The following CBLB variants were observed in gnomAD, a reference collection of about 807,000 sequenced individuals.
The protein encoded by CBLB is E3 ubiquitin-protein ligase CBL-B.
In CBLB, 31 loss-of-function variants were observed where a neutral mutation model predicts 104.9. The observed-to-expected ratio is 0.30, with a 90% CI of 0.22 to 0.40. The LOEUF (loss-of-function observed/expected upper bound fraction) is 0.40, where lower values mean the gene tolerates loss of function less well. CBLB is among the 10% of genes least tolerant of loss of function. The probability of loss-of-function intolerance (pLI) is 1.00; values close to 1 mark genes in which losing one functional copy is unlikely to be tolerated. For synonymous variants in CBLB, 440 were observed against 422.6 expected (o/e 1.04, Z -0.51); for missense variants, 1,062 against 1,214.6 (o/e 0.87, Z 1.87).
chr3:105,838,622 A>G, intron 3 of CBLB, among the ~76,000 whole-genome samples: 1 of 151,954 alleles, frequency 6.6e-6, no homozygotes, highest in South Asian at 2.1e-4. Context: ...ATTGCAATCC[A>G]TCTTTTCCAA....
At chr3:105,779,081 A>T (rs772703879) in intron 3 of CBLB, among the ~76,000 whole-genome samples, 14 of 152,168 alleles carry the variant, frequency 9.2e-5, no homozygotes, top group Non-Finnish European at 2.1e-4. Context: ...ATTAGGGTAA[A>T]CCAACTGTTC....
intron 3 of CBLB, among the ~76,000 whole-genome samples, chr3:105,826,137 A>G (rs1190621194): frequency 6.6e-5 from 10 of 152,110 alleles, no homozygotes; most frequent in Admixed American, 3.9e-4. Flanking sequence ...CATGTCCCCA[A>G]TTTTGTTTAT....
intron 12 of CBLB, among the ~76,000 whole-genome samples, chr3:105,698,002 C>T (rs1465525222): frequency 1.3e-5 from 2 of 151,980 alleles, no homozygotes; most frequent in Non-Finnish European, 2.9e-5. Flanking sequence ...TATTAAGGAA[C>T]AGCTTTATAA....
chr3:105,837,129 G>T (rs1205395986), intron 3 of CBLB, among the ~76,000 whole-genome samples: 1 of 152,156 alleles, frequency 6.6e-6, no homozygotes, highest in African/African-American at 2.4e-5. Context: ...ATCTTCATCC[G>T]TATTAAGGAA....
chr3:105,695,120 C>A (rs1337889821), intron 12 of CBLB, among the ~76,000 whole-genome samples: 1 of 151,766 alleles, frequency 6.6e-6, no homozygotes, highest in Non-Finnish European at 1.5e-5. Context: ...TTCCTTAATT[C>A]ATATTACAAA....
At chr3:105,732,308 T>TG (rs1345639434) in intron 9 of CBLB, among the ~76,000 whole-genome samples, 14 of 152,210 alleles carry the variant, frequency 9.2e-5, no homozygotes, top group Admixed American at 7.8e-4. Flanking sequence ...TAAAAGGCAC[T>TG]GCTAAGTTTG....
intron 10 of CBLB, among the ~76,000 whole-genome samples, chr3:105,706,349 T>C (rs897954443): frequency 3.3e-5 from 5 of 152,216 alleles, no homozygotes; most frequent in Non-Finnish European, 7.3e-5. Flanking sequence ...TTCTTTTTCA[T>C]TTCTTTTAGC....
At chr3:105,673,726 G>A (rs894702881) in intron 17 of CBLB, 2 of 152,124 alleles carry the variant, frequency 1.3e-5, no homozygotes, top group African/African-American at 4.8e-5. Flanking sequence ...AGAACAATTC[G>A]TAATGATTTA....
At chr3:105,727,514 G>A (rs546071686) in intron 9 of CBLB, among the ~76,000 whole-genome samples, 10 of 152,072 alleles carry the variant, frequency 6.6e-5, no homozygotes, top group Non-Finnish European at 1.5e-4. Flanking sequence ...TCACTCTGAC[G>A]ACAGTTTCTT....
chr3:105,813,406 C>T (rs754577668), intron 3 of CBLB, among the ~76,000 whole-genome samples: 4 of 151,976 alleles, frequency 2.6e-5, no homozygotes, highest in Admixed American at 2.0e-4. Flanking sequence ...AAAGTGGGTG[C>T]CCCTTAATCA....
At chr3:105,743,792 T>G (rs949281724) in intron 6 of CBLB, among the ~76,000 whole-genome samples, 1 of 151,950 alleles carries the variant, frequency 6.6e-6, no homozygotes, top group African/African-American at 2.4e-5. Flanking sequence ...TTACAGTTTT[T>G]TTTTTATTCA....
chr3:105,801,284 C>T (rs2082836840), intron 3 of CBLB, among the ~76,000 whole-genome samples: 1 of 152,040 alleles, frequency 6.6e-6, no homozygotes, highest in Admixed American at 6.6e-5. Flanking sequence ...GTAGAGGAAA[C>T]TAAAATGATA....
rs2063553386 is a variant in CBLB at position 105,659,270 on chromosome 3, A to G, written c.2690-41T>C. 3 of 1,572,686 alleles carry G rather than the reference A, an allele frequency of 1.9e-6. No homozygotes were observed. The South Asian group carries it at 3.3e-5, about 17-fold the overall frequency. ...AAGAGAGATACTATTTAAACAGTGA[A>G]ATAAAAATGAAGGCAAGATAACATA... On this transcript the variant is annotated intron_variant, in intron 18 of 18. Coordinates refer to ENST00000394030, the MANE Select transcript of CBLB (RefSeq NM_170662.5).
At chr3:105,740,371 T>C (rs1489695083) in intron 7 of CBLB, 123 bp downstream of exon 7, 3 of 935,424 alleles carry the variant, frequency 3.2e-6, no homozygotes, top group Admixed American at 3.6e-5. Context: ...CTAAGGAACA[T>C]CCATTATTTC....
At chr3:105,856,007 G>A (rs898927636) in intron 2 of CBLB, among the ~76,000 whole-genome samples, 10 of 151,998 alleles carry the variant, frequency 6.6e-5, no homozygotes, top group Non-Finnish European at 1.2e-4. Context: ...AATAAATCAA[G>A]GAACTAACAA....
At chr3:105,676,252 A>AT (rs1454147943) in intron 17 of CBLB, among the ~76,000 whole-genome samples, 7 of 152,156 alleles carry the variant, frequency 4.6e-5, no homozygotes, top group Non-Finnish European at 7.4e-5. Context: ...AAGAGGGGAC[A>AT]TTTTCATTTT....
intron 10 of CBLB, among the ~76,000 whole-genome samples, chr3:105,710,201 G>A (rs538069987): frequency 2.3e-4 from 35 of 151,694 alleles, no homozygotes; most frequent in Admixed American, 2.0e-3. Flanking sequence ...TAGAGATTTC[G>A]CCTGTGCTCT....
chr3:105,849,497 G>A (rs1174977483), intron 3 of CBLB, among the ~76,000 whole-genome samples: 1 of 152,076 alleles, frequency 6.6e-6, no homozygotes, highest in African/African-American at 2.4e-5. Flanking sequence ...CATTATGAGA[G>A]CTATCAAAAT....
rs1299268407 is a variant in CBLB, at chr3:105,666,329, T to C, written c.2689+3904A>G. 2.6e-5 allele frequency among the ~76,000 whole-genome samples: 4 copies of C among 152,314 alleles called. No individual in the cohort carries two copies. The East Asian group carries it at 7.7e-4, about 29-fold the overall frequency. On this transcript the variant is annotated intron_variant, in intron 18 of 18. Transcript: ENST00000394030. Reference sequence around the variant, plus strand: ...ATTATGATTAACTTTGTTATTCTACTAGAAGTTGGATCAATTAATTCTGGG... The same window carrying C: ...ATTATGATTAACTTTGTTATTCTACCAGAAGTTGGATCAATTAATTCTGGG...
Sources: allele counts gnomAD v4.1 joint callset (sites outside exome capture counted in the v4.1 genomes callset), GRCh38; gene constraint gnomAD v4.1.1; transcripts MANE v1.5; gene names NCBI Gene and HGNC (gene_info 2026-07-23, HGNC 2026-07-21).